STAT5B: variants seen among roughly 807,000 people sequenced by gnomAD.
The protein encoded by STAT5B is transcription factor STAT5B.
A neutral mutation model predicts 107.8 loss-of-function variants in STAT5B; 21 were observed. That is an observed-to-expected ratio of 0.19 (90% CI 0.14 to 0.28). The LOEUF (loss-of-function observed/expected upper bound fraction) is 0.28. Among genes scored for constraint, STAT5B ranks in the 10% least tolerant of loss-of-function variants. STAT5B has a pLI of 1.00. For synonymous variants in STAT5B, 325 were observed against 401.7 expected (o/e 0.81, Z 2.28); for missense variants, 565 against 1,008.2 (o/e 0.56, Z 5.95).
intron 1 of STAT5B, among the ~76,000 whole-genome samples, chr17:42,244,087 CT>C (rs1212348906): frequency 7.2e-6 from 1 of 139,654 alleles, no homozygotes; most frequent in Non-Finnish European, 1.5e-5. Context: ...TCTTTCTTTT[CT>C]TTTCTTTTTT....
chr17:42,262,852 ATACACACATATATGTGTG>A, intron 1 of STAT5B, among the ~76,000 whole-genome samples: 1 of 94,570 alleles, frequency 1.1e-5, no homozygotes, highest in South Asian at 3.7e-4. Context: ...ATATATGTAT[ATACACACATATATGTGTG>A]TGTATATATA....
chr17:42,267,678 G>T (rs2080685228), intron 1 of STAT5B, among the ~76,000 whole-genome samples: 1 of 152,138 alleles, frequency 6.6e-6, no homozygotes, highest in Non-Finnish European at 1.5e-5. Context: ...TAAACAGTTG[G>T]CCGGGCACGG....
chr17:42,204,172 C>T (rs1185227830), intron 16 of STAT5B, among the ~76,000 whole-genome samples: 3 of 152,282 alleles, frequency 2.0e-5, no homozygotes, highest in East Asian at 3.9e-4. Flanking sequence ...GCCAAGAATG[C>T]GATGTGTCCT....
chr17:42,220,983 C>G, intron 5 of STAT5B, among the ~76,000 whole-genome samples: 1 of 151,846 alleles, frequency 6.6e-6, no homozygotes. Flanking sequence ...TCTCAACAGC[C>G]CAGAGTCCTT....
chr17:42,224,227 C>A (rs182000108), intron 4 of STAT5B, among the ~76,000 whole-genome samples: 1 of 152,136 alleles, frequency 6.6e-6, no homozygotes, highest in African/African-American at 2.4e-5. Flanking sequence ...TATGAGCATG[C>A]CTTTACTAAA....
intron 9 of STAT5B, chr17:42,217,839 G>C (rs965025267): frequency 4.5e-6 from 2 of 442,962 alleles, no homozygotes; most frequent in African/African-American, 4.0e-5. Flanking sequence ...CTAGTGGCTG[G>C]GATTACAGGT....
chr17:42,266,408 C>T (rs112266535), intron 1 of STAT5B, among the ~76,000 whole-genome samples: 63 of 151,726 alleles, frequency 4.2e-4, no homozygotes, highest in African/African-American at 1.4e-3. Flanking sequence ...AAATTCAAAA[C>T]CATAAATTTT....
chr17:42,250,157 G>A lies in STAT5B; in HGVS notation c.-10-18020C>T, dbSNP rs145697047. 3.0e-3 allele frequency among the ~76,000 whole-genome samples: 455 copies of A among 152,222 alleles called. 3 individuals are homozygous for A. Among genetic ancestry groups the A allele is most frequent in the African/African-American group, 0.01 (423 of 41,534 alleles). On this transcript the variant is annotated intron_variant, in intron 1 of 18. Coordinates refer to ENST00000293328, the MANE Select transcript of STAT5B (RefSeq NM_012448.4). ...CACAAAACTTGCGAGAAAATGTTACGAGCTCCTACCCCATGTCGTTGGCTC... is the reference window on the plus strand; with the variant it reads ...CACAAAACTTGCGAGAAAATGTTACAAGCTCCTACCCCATGTCGTTGGCTC...
At chr17:42,252,017 A>G (rs2144362490) in intron 1 of STAT5B, among the ~76,000 whole-genome samples, 1 of 152,118 alleles carries the variant, frequency 6.6e-6, no homozygotes, top group South Asian at 2.1e-4. Context: ...AAAAAAAGAA[A>G]AAAAGAAAAG....
intron 1 of STAT5B, among the ~76,000 whole-genome samples, chr17:42,267,478 T>C (rs2080683432): frequency 6.6e-6 from 1 of 152,216 alleles, no homozygotes; most frequent in South Asian, 2.1e-4. Flanking sequence ...TGTTTATGCC[T>C]TCACTTTTAA....
At chr17:42,228,840 A>C (rs1390183137) in intron 2 of STAT5B, among the ~76,000 whole-genome samples, 2 of 152,202 alleles carry the variant, frequency 1.3e-5, no homozygotes, top group Admixed American at 1.3e-4. Flanking sequence ...AGGCTGAGGC[A>C]GGAGAACTGC....
intron 16 of STAT5B, among the ~76,000 whole-genome samples, chr17:42,205,840 T>C (rs940497154): frequency 6.6e-6 from 1 of 152,026 alleles, no homozygotes; most frequent in Admixed American, 6.6e-5. Context: ...GTCTAGCAGT[T>C]TGAGACTGCA....
rs555555267 is a variant in STAT5B, at chr17:42,221,787, T to C, written c.550+1595A>G. Among the ~76,000 whole-genome samples, 8 of 152,298 alleles carry C rather than the reference T, an allele frequency of 5.3e-5. No individual in the cohort carries two copies. In the South Asian group the frequency reaches 1.0e-3, roughly 20 times the overall value. On this transcript the variant is annotated intron_variant, in intron 5 of 18. Transcript: ENST00000293328. ...CCTCAGGGTACAGAGATAAAAGATA[T>C]AGTCCCTTCTCAAAGATTTATATTC...
In STAT5B at chr17:42,217,163, G is replaced by A; in HGVS notation, c.1377C>T (p.Val459=). The change falls in exon 11 of 19, where the codon GTC becomes GTT. Residue 459 remains valine, a synonymous_variant. Transcript: ENST00000293328. The part of the protein sequence containing the change: ...SVGGNELVFQ[V]KTLSLPVVVI... Reference sequence around the variant, plus strand: ...CAGAGCTGAGGGAAGGCTTTACCTTGACTTGAAAAACCAGCTCATTTCCAC... The same window carrying A: ...CAGAGCTGAGGGAAGGCTTTACCTTAACTTGAAAAACCAGCTCATTTCCAC... 2 of 1,612,062 alleles carry A rather than the reference G, an allele frequency of 1.2e-6. No homozygotes were observed. The highest frequency in any genetic ancestry group is 1.7e-6 in the Non-Finnish European group (2 of 1,179,068).
chr17:42,262,968 G>GTGTA (rs1314798212), intron 1 of STAT5B, among the ~76,000 whole-genome samples: 26 of 32,698 alleles, frequency 8.0e-4, no homozygotes, highest in Non-Finnish European at 1.2e-3. Flanking sequence ...GTGTGTGTGT[G>GTGTA]TGTATATATA....
chr17:42,241,416 T>C (rs930723757), intron 1 of STAT5B, among the ~76,000 whole-genome samples: 1 of 151,792 alleles, frequency 6.6e-6, no homozygotes. Flanking sequence ...ATTAAATATA[T>C]TAAATGGTGG....
At chr17:42,242,987 C>G (rs1036597150) in intron 1 of STAT5B, among the ~76,000 whole-genome samples, 1 of 131,220 alleles carries the variant, frequency 7.6e-6, no homozygotes, top group African/African-American at 3.4e-5. Context: ...ACAAACACTG[C>G]GGAAGGCCAC....
intron 1 of STAT5B, among the ~76,000 whole-genome samples, chr17:42,260,003 G>A (rs1312522481): frequency 6.6e-6 from 1 of 152,140 alleles, no homozygotes; most frequent in East Asian, 1.9e-4. Flanking sequence ...TAAAGCAGGA[G>A]ACAGCCCTAT....
intron 1 of STAT5B, among the ~76,000 whole-genome samples, chr17:42,262,521 C>T (rs1200513092): frequency 6.6e-6 from 1 of 151,706 alleles, no homozygotes; most frequent in African/African-American, 2.4e-5. Flanking sequence ...CCAGATATTC[C>T]CAAATGAGTA....
Sources: allele counts gnomAD v4.1 joint callset (sites outside exome capture counted in the v4.1 genomes callset), GRCh38; gene constraint gnomAD v4.1.1; transcripts MANE v1.5; gene names NCBI Gene and HGNC (gene_info 2026-07-23, HGNC 2026-07-21).